Variants in RIMS2 observed in about 807,000 individuals in gnomAD.
RIMS2 encodes regulating synaptic membrane exocytosis 2.
In RIMS2, 59 loss-of-function variants were observed where a neutral mutation model predicts 174.4. That is an observed-to-expected ratio of 0.34 (90% CI 0.27 to 0.42). RIMS2 has a LOEUF of 0.42. RIMS2 is among the 10% of genes least tolerant of loss of function. The pLI is 1.00. For synonymous variants in RIMS2, 606 were observed against 572.5 expected (o/e 1.06, Z -0.84); for missense variants, 1,620 against 1,666.3 (o/e 0.97, Z 0.48).
chr8:104,075,155 A>G (rs910623154), intron 19 of RIMS2, among the ~76,000 whole-genome samples: 1 of 152,162 alleles, frequency 6.6e-6, no homozygotes, highest in Non-Finnish European at 1.5e-5. Flanking sequence ...TGTGCCTGCT[A>G]CAGGAAGAGC....
intron 3 of RIMS2, among the ~76,000 whole-genome samples, chr8:103,832,364 C>T (rs949235952): frequency 5.3e-5 from 8 of 152,058 alleles, no homozygotes; most frequent in African/African-American, 1.9e-4. Context: ...TACATGAATA[C>T]ATTGTGGAAC....
chr8:103,795,634 T>C (rs1370259554), intron 3 of RIMS2, among the ~76,000 whole-genome samples: 2 of 151,898 alleles, frequency 1.3e-5, no homozygotes, highest in Non-Finnish European at 2.9e-5. Context: ...AGCCTGTATT[T>C]ATCGTTTTTC....
chr8:103,988,688 G>A (rs1330076150), intron 16 of RIMS2, among the ~76,000 whole-genome samples: 7 of 152,050 alleles, frequency 4.6e-5, no homozygotes, highest in African/African-American at 7.2e-5. Context: ...TCGAACTCCC[G>A]ACCTCACGTG....
chr8:103,702,095 A>G (rs1419525717), intron 2 of RIMS2, among the ~76,000 whole-genome samples: 1 of 151,986 alleles, frequency 6.6e-6, no homozygotes, highest in Admixed American at 6.6e-5. Context: ...CCTTGTTAAC[A>G]TTTGTTATTT....
intron 17 of RIMS2, among the ~76,000 whole-genome samples, chr8:104,004,944 A>G (rs749279466): frequency 2.0e-5 from 3 of 152,196 alleles, no homozygotes; most frequent in Non-Finnish European, 4.4e-5. Flanking sequence ...ATTGGTTAGA[A>G]GGGAATCTGA....
At chr8:104,082,291 T>A (rs2097435771) in intron 19 of RIMS2, among the ~76,000 whole-genome samples, 1 of 152,114 alleles carries the variant, frequency 6.6e-6, no homozygotes, top group Non-Finnish European at 1.5e-5. Flanking sequence ...ATCCTTTCAA[T>A]CCAAGAGTTC....
At chr8:103,503,818 G>A (rs908105546) in intron 1 of RIMS2, among the ~76,000 whole-genome samples, 2 of 151,894 alleles carry the variant, frequency 1.3e-5, no homozygotes, top group Non-Finnish European at 2.9e-5. Flanking sequence ...TTTTAAATAT[G>A]CATGTAGTGA....
At chr8:103,668,201 T>C (rs1193458670) in intron 1 of RIMS2, among the ~76,000 whole-genome samples, 3 of 152,226 alleles carry the variant, frequency 2.0e-5, no homozygotes, top group Admixed American at 6.5e-5. Flanking sequence ...CTGATTGTTA[T>C]CAATCTGCAA....
At chr8:104,234,325 G>A (rs577372638) in intron 19 of RIMS2, among the ~76,000 whole-genome samples, 4 of 152,072 alleles carry the variant, frequency 2.6e-5, no homozygotes, top group Non-Finnish European at 4.4e-5. Flanking sequence ...TGAGAGTTAC[G>A]AAGAGGTTGG....
chr8:103,776,617 G>A lies in RIMS2; in HGVS notation c.698+10080G>A, dbSNP rs2098320465. 3.3e-5 allele frequency among the ~76,000 whole-genome samples: 5 copies of A among 152,042 alleles called. No individual in the cohort carries two copies. The South Asian group carries it at 1.0e-3, about 32-fold the overall frequency. On this transcript the variant is annotated intron_variant, in intron 3 of 23. Coordinates refer to ENST00000504942, the Ensembl canonical transcript of RIMS2. Reference sequence around the variant, plus strand: ...ATTTCAGCAGCAAGATGCTAAAAATGAAAATGCATTTTTACTCATGAATGT... The same window carrying A: ...ATTTCAGCAGCAAGATGCTAAAAATAAAAATGCATTTTTACTCATGAATGT...
chr8:103,889,636 C>T (rs1489220488), intron 4 of RIMS2, among the ~76,000 whole-genome samples: 1 of 147,572 alleles, frequency 6.8e-6, no homozygotes, highest in Non-Finnish European at 1.5e-5. Flanking sequence ...TTTACTCTAC[C>T]TAATTTTTTT....
intron 19 of RIMS2, among the ~76,000 whole-genome samples, chr8:104,073,560 T>A (rs2097233423): frequency 1.3e-5 from 2 of 152,218 alleles, no homozygotes; most frequent in Admixed American, 1.3e-4. Context: ...TTTTCCATTC[T>A]CTTATTTGTC....
At chr8:103,883,423 GCACA>G (rs905193870) in intron 3 of RIMS2, among the ~76,000 whole-genome samples, 2 of 151,580 alleles carry the variant, frequency 1.3e-5, no homozygotes, top group Admixed American at 1.3e-4. Context: ...GATGCACAGT[GCACA>G]CACACATATA....
chr8:104,204,138 C>T (rs1300111270), intron 19 of RIMS2, among the ~76,000 whole-genome samples: 1 of 152,160 alleles, frequency 6.6e-6, no homozygotes, highest in Non-Finnish European at 1.5e-5. Context: ...GTACACTTGG[C>T]CATAAAACCT....
At chr8:104,248,120 T>A (rs2441811) in intron 20 of RIMS2, among the ~76,000 whole-genome samples, 1 of 151,820 alleles carries the variant, frequency 6.6e-6, no homozygotes, top group East Asian at 1.9e-4. Context: ...GTGGCAACAA[T>A]GAAAACATGA....
chr8:103,729,412 A>G (rs574901761), intron 2 of RIMS2, among the ~76,000 whole-genome samples: 3 of 152,200 alleles, frequency 2.0e-5, no homozygotes, highest in African/African-American at 7.2e-5. Flanking sequence ...TGCAATATCA[A>G]TTTTAACATC....
chr8:104,238,734 A>G (rs2099272070), intron 19 of RIMS2, among the ~76,000 whole-genome samples: 1 of 152,200 alleles, frequency 6.6e-6, no homozygotes, highest in Non-Finnish European at 1.5e-5. Context: ...TGGATACCCA[A>G]GATTGCTTCC....
At chr8:103,915,157 A>G (rs572284939) in intron 6 of RIMS2, among the ~76,000 whole-genome samples, 59 of 152,216 alleles carry the variant, frequency 3.9e-4, no homozygotes, top group African/African-American at 1.3e-3. Flanking sequence ...AGAAATGTTT[A>G]TATAATTAAT....
At chr8:103,789,686 T>C (rs2098477941) in intron 3 of RIMS2, among the ~76,000 whole-genome samples, 1 of 151,970 alleles carries the variant, frequency 6.6e-6, no homozygotes, top group Non-Finnish European at 1.5e-5. Context: ...ATCTTTTGAC[T>C]TTGCTTATAT....
Sources: allele counts gnomAD v4.1 joint callset (sites outside exome capture counted in the v4.1 genomes callset), GRCh38; gene constraint gnomAD v4.1.1; transcripts MANE v1.5; gene names NCBI Gene and HGNC (gene_info 2026-07-23, HGNC 2026-07-21).